The following GALNT13 variants were observed in gnomAD, a reference collection of about 807,000 sequenced individuals.
The protein encoded by GALNT13 is UDP-GalNAc:polypeptide N-acetylgalactosaminyltransferase 13.
A neutral mutation model predicts 64.2 loss-of-function variants in GALNT13; 28 were observed. The ratio of observed to expected loss-of-function variants is 0.44; its 90% confidence interval spans 0.32 to 0.60. GALNT13 has a LOEUF of 0.60. Ranked by LOEUF, GALNT13 falls within the 20% of genes least tolerant of loss-of-function variation. The pLI, the probability that GALNT13 is intolerant of heterozygous loss-of-function variation, is 0.05. For missense variants in GALNT13, 577 were observed against 669.8 expected (o/e 0.86, Z 1.53); for synonymous variants, 214 against 224.6 (o/e 0.95, Z 0.42).
the GALNT13 span, among the ~76,000 whole-genome samples, chr2:153,120,723 A>C: frequency 6.6e-6 from 1 of 152,178 alleles, no homozygotes; most frequent in Non-Finnish European, 1.5e-5. Flanking sequence ...TTTTGTAAGT[A>C]AACATTTTAG....
At chr2:153,686,743 C>T in the GALNT13 span, among the ~76,000 whole-genome samples, 1 of 151,974 alleles carries the variant, frequency 6.6e-6, no homozygotes, top group Admixed American at 6.6e-5. Flanking sequence ...CTGCTTCCAG[C>T]TTTTGCCCAT....
the GALNT13 span, among the ~76,000 whole-genome samples, chr2:153,121,999 C>G: frequency 6.6e-6 from 1 of 151,916 alleles, no homozygotes; most frequent in South Asian, 2.1e-4. Flanking sequence ...CCTTTTATTT[C>G]ACATTATAAG....
At chr2:154,298,499 TA>T (rs1559075150) in intron 8 of GALNT13, among the ~76,000 whole-genome samples, 40 of 105,714 alleles carry the variant, frequency 3.8e-4, no homozygotes, top group African/African-American at 4.7e-4. Context: ...AAATTATATA[TA>T]CATATATAAA....
the GALNT13 span, among the ~76,000 whole-genome samples, chr2:153,279,975 T>G: frequency 5.3e-4 from 81 of 152,172 alleles, no homozygotes; most frequent in African/African-American, 1.9e-3. Flanking sequence ...GATAGAAGTT[T>G]GCTATGAATC....
the GALNT13 span, among the ~76,000 whole-genome samples, chr2:153,754,639 G>A: frequency 2.0e-5 from 3 of 152,126 alleles, no homozygotes; most frequent in Admixed American, 1.3e-4. Context: ...GAGCTGTGCA[G>A]CCTGGGGTTA....
intron 2 of GALNT13, among the ~76,000 whole-genome samples, chr2:153,934,683 TGTCCTATTGAGGGTATGTGGATAGCCCCA>T (rs1690774170): frequency 6.6e-6 from 1 of 152,234 alleles, no homozygotes; most frequent in South Asian, 2.1e-4. Flanking sequence ...TTGCTTCCTG[TGTCCTATTGAGGGTATGTGGATAGCCCCA>T]GTGGATTCCT....
intron 4 of GALNT13, among the ~76,000 whole-genome samples, chr2:154,197,957 T>TG (rs67177570): frequency 0.47 from 70,473 of 150,966 alleles, 17,268 homozygotes; most frequent in Middle Eastern, 0.62. Flanking sequence ...AAAACCGTAA[T>TG]AAACCCCATT....
the GALNT13 span, among the ~76,000 whole-genome samples, chr2:153,686,697 G>C: frequency 6.6e-6 from 1 of 152,072 alleles, no homozygotes; most frequent in Admixed American, 6.6e-5. Context: ...AGTGGTGAGA[G>C]AGGGCATCCT....
rs1167875826 is a variant in GALNT13, at chr2:153,899,935, AT to A, written c.-176-983del. ...TATATACATATATATATATATATAT[AT>A]TTTTTTTTTTTTTTTTTGAGATGGA... is the stretch of plus-strand genomic sequence containing the variant. On this transcript the variant is annotated intron_variant, in intron 1 of 12. Transcript: ENST00000392825. 8.2e-3 allele frequency among the ~76,000 whole-genome samples: 802 copies of A among 98,104 alleles called. 3 individuals carry two copies. Among genetic ancestry groups the A allele is most frequent in the Middle Eastern group, 0.015 (2 of 134 alleles). 64.4% of individuals were successfully genotyped at this position (98,104 alleles called of 152,430 possible). A position where few individuals can be genotyped will look rare whatever the true frequency, so the allele number is the denominator to read the frequency against.
chr2:154,237,245 C>A (rs1028900901), intron 4 of GALNT13, among the ~76,000 whole-genome samples: 1 of 151,706 alleles, frequency 6.6e-6, no homozygotes, highest in Non-Finnish European at 1.5e-5. Context: ...GTCTACCATA[C>A]ATTTCAGATG....
At chr2:154,382,812 C>G (rs1303441008) in intron 9 of GALNT13, among the ~76,000 whole-genome samples, 10 of 150,780 alleles carry the variant, frequency 6.6e-5, no homozygotes, top group African/African-American at 2.4e-4. Context: ...ATATAAGTTT[C>G]TACTGTTCTT....
intron 4 of GALNT13, among the ~76,000 whole-genome samples, chr2:154,175,236 C>T (rs977715012): frequency 2.0e-5 from 3 of 152,132 alleles, no homozygotes; most frequent in East Asian, 3.9e-4. Flanking sequence ...TTTTCTGGAA[C>T]ATTTTAGTTT....
At chr2:153,981,399 A>T (rs1044133946) in intron 3 of GALNT13, among the ~76,000 whole-genome samples, 1 of 151,870 alleles carries the variant, frequency 6.6e-6, no homozygotes. Context: ...CTGGTGTGTG[A>T]TGTTCCCCTT....
At chr2:153,323,435 A>G in the GALNT13 span, among the ~76,000 whole-genome samples, 192 of 152,138 alleles carry the variant, frequency 1.3e-3, 1 homozygote, top group African/African-American at 4.5e-3. Flanking sequence ...CCCATTCTGT[A>G]GGTTGCCTGT....
At chr2:154,297,581 G>A (rs1264716040) in intron 8 of GALNT13, among the ~76,000 whole-genome samples, 1 of 152,152 alleles carries the variant, frequency 6.6e-6, no homozygotes, top group Non-Finnish European at 1.5e-5. Flanking sequence ...TGACCATGCT[G>A]GCACCTTGAT....
the GALNT13 span, among the ~76,000 whole-genome samples, chr2:153,552,092 G>C: frequency 6.6e-5 from 10 of 152,164 alleles, no homozygotes; most frequent in Non-Finnish European, 1.5e-4. Context: ...GTTTCTGGTA[G>C]GTTGAGATGA....
At chr2:153,752,770 A>G in the GALNT13 span, among the ~76,000 whole-genome samples, 1 of 152,044 alleles carries the variant, frequency 6.6e-6, no homozygotes, top group Non-Finnish European at 1.5e-5. Context: ...TTCTTGTCCT[A>G]GGATATTGAT....
In GALNT13 at chr2:154,395,974, T is replaced by C; in HGVS notation, c.1157-17T>C. ...AAAATAGCACAAACTGATTTGTGTT[T>C]CTCTGAAAAATTCCAGGTGTTGTCA... On this transcript the variant is annotated splice_polypyrimidine_tract_variant and intron_variant, in intron 9 of 12. Transcript: ENST00000392825. The C allele has an allele frequency of 6.3e-7, 1 of 1,577,640 alleles. No individual in the cohort carries two copies. Among genetic ancestry groups the C allele is most frequent in the Non-Finnish European group, 8.6e-7 (1 of 1,164,622 alleles).
chr2:154,229,275 T>C (rs1688790438), intron 4 of GALNT13, among the ~76,000 whole-genome samples: 1 of 152,236 alleles, frequency 6.6e-6, no homozygotes, highest in African/African-American at 2.4e-5. Context: ...TAACTACATC[T>C]TTCTTCAAGA....
Sources: allele counts gnomAD v4.1 joint callset (sites outside exome capture counted in the v4.1 genomes callset), GRCh38; gene constraint gnomAD v4.1.1; transcripts MANE v1.5; gene names NCBI Gene and HGNC (gene_info 2026-07-23, HGNC 2026-07-21).